Variants in SLAMF6 observed in about 807,000 individuals in gnomAD.
The protein encoded by SLAMF6 is NK-T-B-antigen.
SLAMF6 carries 21 observed loss-of-function variants against 38.3 expected under a neutral mutation model. The ratio of observed to expected loss-of-function variants is 0.55; its 90% confidence interval spans 0.39 to 0.79. SLAMF6 has a LOEUF of 0.79. SLAMF6 is among the 30% of genes least tolerant of loss of function. SLAMF6 has a pLI of 0.00. For missense variants in SLAMF6, 341 were observed against 385.3 expected (o/e 0.89, Z 0.96); for synonymous variants, 152 against 146.3 (o/e 1.04, Z -0.28).
chr1:160,517,141 A>G (rs894505848), intron 1 of SLAMF6, among the ~76,000 whole-genome samples: 1 of 152,226 alleles, frequency 6.6e-6, no homozygotes, highest in Non-Finnish European at 1.5e-5. Context: ...CAGATTCTAC[A>G]AGGAACTCAA....
At chr1:160,514,560 C>T (rs1654647482) in intron 1 of SLAMF6, among the ~76,000 whole-genome samples, 1 of 152,162 alleles carries the variant, frequency 6.6e-6, no homozygotes, top group Admixed American at 6.5e-5. Context: ...TCATTCTATG[C>T]ATTGCCACAT....
chr1:160,492,670 T>C (rs1653366221), intron 2 of SLAMF6, among the ~76,000 whole-genome samples: 1 of 152,160 alleles, frequency 6.6e-6, no homozygotes, highest in Admixed American at 6.5e-5. Context: ...TGTAAGTATA[T>C]CTCAAACTTG....
Position 160,498,479 on chromosome 1 carries a change from C to T in SLAMF6, c.50-2086G>A, listed in dbSNP as rs147040617. ...GGAAGGTGAAGGAGGAGCAAAGTCA[C>T]GTCTTACATGGTGGCAGGCAAAGAG... On this transcript the variant is annotated intron_variant, in intron 1 of 7. Transcript: ENST00000368057. Among the ~76,000 whole-genome samples, 584 of 152,250 alleles carry T rather than the reference C, an allele frequency of 3.8e-3. 4 individuals are homozygous for T. Among genetic ancestry groups the T allele is most frequent in the African/African-American group, 0.013 (552 of 41,546 alleles).
At chr1:160,492,396 A>C (rs190307887) in intron 2 of SLAMF6, among the ~76,000 whole-genome samples, 5 of 152,222 alleles carry the variant, frequency 3.3e-5, no homozygotes, top group African/African-American at 9.6e-5. Flanking sequence ...GAATTTTGTA[A>C]TTTACTGGCT....
intron 1 of SLAMF6, among the ~76,000 whole-genome samples, chr1:160,511,432 G>T (rs1654467196): frequency 6.6e-6 from 1 of 152,124 alleles, no homozygotes; most frequent in Non-Finnish European, 1.5e-5. Context: ...TTTATGGCCA[G>T]GTGATTTTTG....
chr1:160,502,250 T>C (rs1653944024), intron 1 of SLAMF6, among the ~76,000 whole-genome samples: 1 of 152,034 alleles, frequency 6.6e-6, no homozygotes, highest in Non-Finnish European at 1.5e-5. Flanking sequence ...GAAAAGGAGA[T>C]TAAGAATGGG....
chr1:160,490,380 G>T, intron 4 of SLAMF6, 144 bp from the exon 5 acceptor site: 1 of 1,386,312 alleles, frequency 7.2e-7, no homozygotes, highest in Non-Finnish European at 1.0e-6. Flanking sequence ...ACTTTTCCCA[G>T]TAGGACATTT....
intron 6 of SLAMF6, among the ~76,000 whole-genome samples, chr1:160,488,705 G>A (rs556380792): frequency 3.3e-5 from 5 of 152,248 alleles, no homozygotes; most frequent in South Asian, 4.1e-4. Context: ...ATGGAACTAC[G>A]TCCATAGGAA....
intron 1 of SLAMF6, among the ~76,000 whole-genome samples, chr1:160,507,442 G>A (rs1654245380): frequency 6.6e-6 from 1 of 152,036 alleles, no homozygotes; most frequent in South Asian, 2.1e-4. Flanking sequence ...AGTAATAGTT[G>A]GAGACATCAA....
At chr1:160,498,182 C>T (rs1466509573) in intron 1 of SLAMF6, among the ~76,000 whole-genome samples, 1 of 151,686 alleles carries the variant, frequency 6.6e-6, no homozygotes, top group African/African-American at 2.4e-5. Flanking sequence ...TAATAATAGA[C>T]ATTCTGAAAG....
chr1:160,495,944 A>T, intron 2 of SLAMF6, 117 bp downstream of exon 2: 1 of 901,300 alleles, frequency 1.1e-6, no homozygotes, highest in Non-Finnish European at 1.7e-6. Context: ...TGACTCAATG[A>T]CTCCAAATGC....
intron 1 of SLAMF6, among the ~76,000 whole-genome samples, chr1:160,504,023 A>AAAC (rs1654050617): frequency 4.4e-5 from 1 of 22,738 alleles, no homozygotes; most frequent in African/African-American, 1.8e-4. Context: ...ATCTCAAAAA[A>AAAC]AAAAAAAAAA....
At chr1:160,517,519 A>G (rs1223295416) in intron 1 of SLAMF6, among the ~76,000 whole-genome samples, 1 of 152,198 alleles carries the variant, frequency 6.6e-6, no homozygotes. Flanking sequence ...ACCCAAAGGA[A>G]TATAAATCGC....
intron 1 of SLAMF6, among the ~76,000 whole-genome samples, chr1:160,497,684 C>T (rs1653662880): frequency 1.3e-5 from 2 of 152,038 alleles, no homozygotes; most frequent in African/African-American, 4.8e-5. Context: ...TATTTATGTC[C>T]ATGTGTGCTC....
At chr1:160,502,727 CT>C (rs941868702) in intron 1 of SLAMF6, among the ~76,000 whole-genome samples, 2 of 152,110 alleles carry the variant, frequency 1.3e-5, no homozygotes, top group African/African-American at 4.8e-5. Context: ...AGTCAAGGAA[CT>C]TTGGGTTTCT....
intron 5 of SLAMF6, among the ~76,000 whole-genome samples, chr1:160,489,522 T>C (rs1344593712): frequency 6.6e-6 from 1 of 152,196 alleles, no homozygotes; most frequent in South Asian, 2.1e-4. Flanking sequence ...AGCCAGTTAT[T>C]TCACATTTGG....
chr1:160,495,766 G>A (rs1177808655), intron 2 of SLAMF6, among the ~76,000 whole-genome samples: 1 of 152,216 alleles, frequency 6.6e-6, no homozygotes, highest in African/African-American at 2.4e-5. Context: ...TACATGTAGT[G>A]CACAAGGCAA....
chr1:160,514,406 G>A (rs945070007), intron 1 of SLAMF6, among the ~76,000 whole-genome samples: 12 of 152,160 alleles, frequency 7.9e-5, no homozygotes, highest in East Asian at 5.8e-4. Context: ...CAATAATAGC[G>A]GGAGACTTTA....
chr1:160,504,930 G>A (rs143245758), intron 1 of SLAMF6, among the ~76,000 whole-genome samples: 62 of 152,266 alleles, frequency 4.1e-4, no homozygotes, highest in Admixed American at 1.2e-3. Context: ...ATTATGCTGG[G>A]TACAAGAAGA....
Sources: gnomAD v4.1 joint callset for allele counts (sites outside exome capture counted in the v4.1 genomes callset) on GRCh38, gnomAD v4.1.1 for gene constraint, MANE v1.5 for transcripts, NCBI Gene and HGNC (gene_info 2026-07-23, HGNC 2026-07-21) for gene names.